Variants in ITGAE observed in about 807,000 individuals in gnomAD.
ITGAE encodes the protein integrin subunit alpha E.
ITGAE carries 99 observed loss-of-function variants against 136.5 expected under a neutral mutation model. The ratio of observed to expected loss-of-function variants is 0.73; its 90% CI spans 0.62 to 0.86. ITGAE has a LOEUF of 0.86. ITGAE is among the 40% of genes least tolerant of loss of function. The pLI, the probability that ITGAE is intolerant of heterozygous loss-of-function variation, is 0.00. For missense variants in ITGAE, 1,447 were observed against 1,515.3 expected (o/e 0.95, Z 0.75); for synonymous variants, 613 against 591.8 (o/e 1.04, Z -0.52).
chr17:3,767,794 G>T (rs2052334477), intron 2 of ITGAE, among the ~76,000 whole-genome samples: 1 of 152,024 alleles, frequency 6.6e-6, no homozygotes, highest in African/African-American at 2.4e-5. Flanking sequence ...AGCTAATTTT[G>T]TTAATTTGTC....
chr17:3,764,566 G>A (rs991004091), intron 2 of ITGAE, among the ~76,000 whole-genome samples: 14 of 152,292 alleles, frequency 9.2e-5, no homozygotes, highest in African/African-American at 2.4e-4. Flanking sequence ...GCATGGTGGC[G>A]TGTGCCTGTA....
In ITGAE at chr17:3,723,323, C is replaced by T. The variant is rs1324056348; in HGVS notation, c.3202G>A (p.Val1068Met). The T allele has an allele frequency of 4.3e-6, 7 of 1,613,686 alleles. No individual in the cohort carries two copies. Among genetic ancestry groups the T allele is most frequent in the Non-Finnish European group, 5.9e-6 (7 of 1,179,686 alleles). Reference sequence around the variant, plus strand: ...TGATCCCAGGAGATCTCTGCAGCCACGGTGACATTTTCTTTATCTGAAGCG... The same window carrying T: ...TGATCCCAGGAGATCTCTGCAGCCATGGTGACATTTTCTTTATCTGAAGCG... ...VIASDKENVT[V>M]AAEISWDHSE... The change falls in exon 28 of 31, where the codon GTG becomes ATG. Residue 1068 changes from valine (V) to methionine (M), a missense_variant. This residue lies in a region of ITGAE where 1,031 missense variants were observed against 1,011.4 expected (regional missense o/e 1.02). Transcript: ENST00000263087.
intron 1 of ITGAE, among the ~76,000 whole-genome samples, chr17:3,786,060 G>T (rs1043907460): frequency 6.6e-6 from 1 of 151,584 alleles, no homozygotes; most frequent in South Asian, 2.1e-4. Flanking sequence ...CCAGCTACTC[G>T]GGAGGCTGAG....
chr17:3,753,208 G>T, intron 14 of ITGAE, 82 bp downstream of exon 14: 1 of 1,478,758 alleles, frequency 6.8e-7, no homozygotes, highest in East Asian at 2.3e-5. Context: ...GGCAGGGCCA[G>T]GGCACTCCCA....
At chr17:3,750,295 G>A in intron 16 of ITGAE, 57 bp downstream of exon 16, 3 of 1,601,004 alleles carry the variant, frequency 1.9e-6, no homozygotes, top group Non-Finnish European at 1.7e-6. Flanking sequence ...GCTATTTAGA[G>A]CAGGGCAAAT....
chr17:3,727,429 T>G (rs35849702), intron 26 of ITGAE, among the ~76,000 whole-genome samples: 7 of 150,984 alleles, frequency 4.6e-5, no homozygotes, highest in Non-Finnish European at 8.9e-5. Flanking sequence ...AGATGGAGTC[T>G]CACTCTGTCT....
chr17:3,725,811 A>G (rs578176845), intron 26 of ITGAE: 45 of 1,611,518 alleles, frequency 2.8e-5, no homozygotes, highest in Non-Finnish European at 3.6e-5. Flanking sequence ...GGCTACTGCA[A>G]AGAGCATTCT....
At chr17:3,772,492 G>C (rs1295849824) in intron 2 of ITGAE, among the ~76,000 whole-genome samples, 1 of 139,396 alleles carries the variant, frequency 7.2e-6, no homozygotes, top group Non-Finnish European at 1.5e-5. Context: ...TTGAGACGGA[G>C]TCTCACTGTC....
In ITGAE at chr17:3,768,948, G is replaced by A. The variant is rs1428087150; in HGVS notation, c.156-4988C>T. ...GGGGCTCATCTGGGGCAGGGCTGAG[G>A]GGCGGAGGGCTGGGTGCAGCAGAGA... On this transcript the variant is annotated intron_variant, in intron 2 of 30. Coordinates refer to ENST00000263087, the MANE Select transcript of ITGAE (RefSeq NM_002208.5). 2.0e-5 allele frequency among the ~76,000 whole-genome samples: 3 copies of A among 152,288 alleles called. No individual in the cohort carries two copies. The East Asian group carries it at 5.8e-4, about 29-fold the overall frequency.
At chr17:3,775,755 C>T (rs909163570) in intron 2 of ITGAE, among the ~76,000 whole-genome samples, 1 of 152,054 alleles carries the variant, frequency 6.6e-6, no homozygotes, top group Non-Finnish European at 1.5e-5. Flanking sequence ...CAGGTGTGAG[C>T]CACTGCGCCC....
chr17:3,770,904 G>A (rs2052405563), intron 2 of ITGAE, among the ~76,000 whole-genome samples: 1 of 152,066 alleles, frequency 6.6e-6, no homozygotes, highest in Non-Finnish European at 1.5e-5. Flanking sequence ...GGGGTCGCTG[G>A]GTATTGGTGG....
At chr17:3,794,531 C>T (rs544267044) in intron 1 of ITGAE, among the ~76,000 whole-genome samples, 15 of 152,168 alleles carry the variant, frequency 9.9e-5, no homozygotes, top group Non-Finnish European at 1.5e-4. Flanking sequence ...CATGGTGGCC[C>T]ACCCTCGGTA....
At chr17:3,747,697 C>G (rs904637605) in intron 17 of ITGAE, among the ~76,000 whole-genome samples, 2 of 152,126 alleles carry the variant, frequency 1.3e-5, no homozygotes, top group Non-Finnish European at 2.9e-5. Context: ...GCTCTAAACC[C>G]CTTCTGAGTG....
chr17:3,772,509 G>A (rs548291017), intron 2 of ITGAE, among the ~76,000 whole-genome samples: 1 of 148,244 alleles, frequency 6.7e-6, no homozygotes, highest in South Asian at 2.1e-4. Flanking sequence ...TGTCGCCCAG[G>A]CTGGAGTGCA....
At chr17:3,734,120 G>A (rs2051407093) in intron 21 of ITGAE, among the ~76,000 whole-genome samples, 1 of 152,348 alleles carries the variant, frequency 6.6e-6, no homozygotes, top group Admixed American at 6.5e-5. Flanking sequence ...GCCCAGGCTG[G>A]AGTGCAGTGG....
At chr17:3,715,859 T>TTA (rs1366410417) in intron 30 of ITGAE, among the ~76,000 whole-genome samples, 1 of 151,816 alleles carries the variant, frequency 6.6e-6, no homozygotes, top group Non-Finnish European at 1.5e-5. Context: ...ACCCTGGTGT[T>TTA]TATTTTTAAA....
chr17:3,722,531 A>C (rs1461044927), intron 28 of ITGAE: 1 of 152,782 alleles, frequency 6.5e-6, no homozygotes, highest in Non-Finnish European at 1.5e-5. Flanking sequence ...TTTAAGAAGA[A>C]ACCACCTACG....
intron 28 of ITGAE, chr17:3,720,627 G>C (rs1199795879): frequency 8.2e-6 from 3 of 366,544 alleles, no homozygotes; most frequent in Non-Finnish European, 1.5e-5. Flanking sequence ...TTTCGCCCAG[G>C]CTGGAGTGAA....
intron 30 of ITGAE, 79 bp downstream of exon 30, chr17:3,716,609 G>A: frequency 1.2e-6 from 1 of 836,578 alleles, no homozygotes; most frequent in South Asian, 1.5e-5. Flanking sequence ...CTAAGTCAGA[G>A]GTTGGCTGTC....
Sources: allele counts gnomAD v4.1 joint callset (sites outside exome capture counted in the v4.1 genomes callset), GRCh38; gene constraint gnomAD v4.1.1; regional missense constraint gnomAD v4.1.1; transcripts MANE v1.5; gene names NCBI Gene and HGNC (gene_info 2026-07-23, HGNC 2026-07-21).